Variants in PCDH9 observed in about 807,000 individuals in gnomAD.
PCDH9 encodes the protein protocadherin-9.
A neutral mutation model predicts 70.6 loss-of-function variants in PCDH9; 24 were observed. The ratio of observed to expected loss-of-function variants is 0.34; its 90% CI spans 0.25 to 0.48. The LOEUF is 0.48. Among genes scored for constraint, PCDH9 ranks in the 20% least tolerant of loss-of-function variants. The pLI is 0.99. For missense variants in PCDH9, 1,281 were observed against 1,503.6 expected, an observed-to-expected ratio of 0.85 and a Z score of 2.45; for synonymous variants, 562 against 558.5, an observed-to-expected ratio of 1.01 and a Z score of -0.09.
intron 3 of PCDH9, among the ~76,000 whole-genome samples, chr13:66,872,243 A>G (rs896080727): frequency 6.6e-6 from 1 of 152,156 alleles, no homozygotes; most frequent in Admixed American, 6.5e-5. Context: ...CAACTATGTT[A>G]TTGCCAGATT....
intron 4 of PCDH9, among the ~76,000 whole-genome samples, chr13:66,492,114 A>G (rs930627321): frequency 1.3e-5 from 2 of 152,192 alleles, no homozygotes; most frequent in Non-Finnish European, 2.9e-5. Context: ...TTAAAGAGAA[A>G]TGTCACAGAA....
chr13:66,903,257 A>C (rs2082306279), intron 3 of PCDH9, among the ~76,000 whole-genome samples: 1 of 151,862 alleles, frequency 6.6e-6, no homozygotes, highest in Non-Finnish European at 1.5e-5. Context: ...AGTACTTTTC[A>C]TTCCATGTTA....
intron 4 of PCDH9, among the ~76,000 whole-genome samples, chr13:66,401,421 C>A (rs1957185026): frequency 1.3e-5 from 2 of 151,990 alleles, no homozygotes; most frequent in Middle Eastern, 6.8e-3. Flanking sequence ...TATTTGCTTC[C>A]CCTTCCACCA....
chr13:66,619,473 C>T (rs528118925), intron 4 of PCDH9, among the ~76,000 whole-genome samples: 160 of 152,200 alleles, frequency 1.1e-3, no homozygotes, highest in African/African-American at 3.7e-3. Context: ...GTGTGTAACA[C>T]TGATTTTATA....
chr13:66,495,581 C>A (rs556061009), intron 4 of PCDH9, among the ~76,000 whole-genome samples: 29 of 152,118 alleles, frequency 1.9e-4, no homozygotes, highest in African/African-American at 6.7e-4. Context: ...AAAATAAATA[C>A]ATACATACAT....
At chr13:66,369,720 GCTT>G (rs1211407636) in intron 4 of PCDH9, among the ~76,000 whole-genome samples, 1 of 152,096 alleles carries the variant, frequency 6.6e-6, no homozygotes, top group African/African-American at 2.4e-5. Context: ...AAGTAACAGT[GCTT>G]CTTTCTGAGT....
intron 2 of PCDH9, among the ~76,000 whole-genome samples, chr13:67,057,759 C>T (rs2085451710): frequency 6.6e-6 from 1 of 151,912 alleles, no homozygotes; most frequent in African/African-American, 2.4e-5. Flanking sequence ...TGATACTTAG[C>T]TTTTAAATTT....
At chr13:66,387,176 C>T (rs1252798566) in intron 4 of PCDH9, among the ~76,000 whole-genome samples, 1 of 152,148 alleles carries the variant, frequency 6.6e-6, no homozygotes, top group Non-Finnish European at 1.5e-5. Context: ...TGTTCCTCTC[C>T]TGACTGTGAG....
chr13:66,571,769 T>C (rs564669358), intron 4 of PCDH9, among the ~76,000 whole-genome samples: 25 of 152,076 alleles, frequency 1.6e-4, no homozygotes, highest in Non-Finnish European at 3.4e-4. Flanking sequence ...GGTCACAAAA[T>C]AGTCAAATGT....
At chr13:66,481,460 A>C (rs79306121) in intron 4 of PCDH9, among the ~76,000 whole-genome samples, 3,690 of 152,298 alleles carry the variant, frequency 0.024, 121 homozygotes, top group East Asian at 0.089. Context: ...CTAGCTATAA[A>C]GTATTCATAA....
chr13:66,703,111 A>G (rs965607517), intron 3 of PCDH9, among the ~76,000 whole-genome samples: 2 of 152,232 alleles, frequency 1.3e-5, no homozygotes, highest in African/African-American at 4.8e-5. Flanking sequence ...CTGAGTTCTT[A>G]TGGCTACTGA....
intron 2 of PCDH9, among the ~76,000 whole-genome samples, chr13:67,063,362 C>T (rs946876366): frequency 6.6e-6 from 1 of 152,142 alleles, no homozygotes; most frequent in African/African-American, 2.4e-5. Context: ...CCAGAAGCAG[C>T]AGCTGCCATT....
chr13:66,352,327 C>T (rs1372541286), intron 4 of PCDH9, among the ~76,000 whole-genome samples: 2 of 152,156 alleles, frequency 1.3e-5, no homozygotes, highest in Admixed American at 6.6e-5. Flanking sequence ...CATGCCCTTG[C>T]TGTTTTATAT....
chr13:66,945,026 T>C (rs566382129), intron 2 of PCDH9, among the ~76,000 whole-genome samples: 2 of 152,072 alleles, frequency 1.3e-5, no homozygotes, highest in Non-Finnish European at 2.9e-5. Flanking sequence ...CTCTTTGGCA[T>C]ATTGAATATC....
At chr13:66,774,695 G>T (rs1277447832) in intron 3 of PCDH9, among the ~76,000 whole-genome samples, 2 of 152,122 alleles carry the variant, frequency 1.3e-5, no homozygotes, top group Admixed American at 6.5e-5. Flanking sequence ...TACCCCAAAT[G>T]ACGTATTGTT....
At chr13:67,158,658 C>G in intron 2 of PCDH9, among the ~76,000 whole-genome samples, 1 of 152,180 alleles carries the variant, frequency 6.6e-6, no homozygotes, top group East Asian at 1.9e-4. Context: ...CTTGGACAGT[C>G]CAGACTCCAG....
chr13:66,823,132 T>C (rs2080744820), intron 3 of PCDH9, among the ~76,000 whole-genome samples: 1 of 152,022 alleles, frequency 6.6e-6, no homozygotes, highest in South Asian at 2.1e-4. Context: ...TCTCATATTC[T>C]CCATTAGGTT....
chr13:66,622,951 G>A (rs907886658), intron 4 of PCDH9, among the ~76,000 whole-genome samples: 6 of 151,912 alleles, frequency 3.9e-5, no homozygotes, highest in African/African-American at 1.2e-4. Context: ...CGAACGCACC[G>A]GGAGGAACGA....
rs777316241 is a variant in PCDH9, at chr13:66,559,833, T to TATATATATAC, written c.3340+71376_3340+71377insGTATATATAT. On this transcript the variant is annotated intron_variant, in intron 4 of 4. Coordinates refer to ENST00000377865, the MANE Select transcript of PCDH9 (RefSeq NM_203487.3). ...AAAAAAAAAAATATATATATATATA[T>TATATATATAC]ACACACACACACACACACACACACA... Among the ~76,000 whole-genome samples the TATATATATAC allele has an allele frequency of 1.7e-3, 147 of 87,096 alleles. 2 individuals are homozygous for TATATATATAC. Among genetic ancestry groups the TATATATATAC allele is most frequent in the African/African-American group, 5.8e-3 (139 of 23,998 alleles). 57.1% of individuals were successfully genotyped at this position (87,096 alleles called of 152,430 possible).
Sources: gnomAD v4.1 joint callset for allele counts (sites outside exome capture counted in the v4.1 genomes callset) on GRCh38, gnomAD v4.1.1 for gene constraint, MANE v1.5 for transcripts, NCBI Gene and HGNC (gene_info 2026-07-23, HGNC 2026-07-21) for gene names.